ABTB3: variants seen among roughly 807,000 people sequenced by gnomAD.
The protein encoded by ABTB3 is ankyrin repeat- and BTB/POZ domain-containing protein 3.
the ABTB3 span, among the ~76,000 whole-genome samples, chr12:107,609,821 C>T: frequency 2.6e-5 from 4 of 152,332 alleles, no homozygotes; most frequent in Admixed American, 6.5e-5. Flanking sequence ...TTATCTGTGT[C>T]TGTTTCCCCA....
At chr12:107,415,418 C>T in the ABTB3 span, among the ~76,000 whole-genome samples, 1,942 of 152,138 alleles carry the variant, frequency 0.013, 39 homozygotes, top group African/African-American at 0.044. Flanking sequence ...TGGATAAAAA[C>T]ACAAACTGGG....
chr12:107,381,276 A>G, the ABTB3 span, among the ~76,000 whole-genome samples: 1 of 152,260 alleles, frequency 6.6e-6, no homozygotes, highest in Non-Finnish European at 1.5e-5. Flanking sequence ...ACTCAGGGGC[A>G]TGTGCTAAAT....
At chr12:107,519,274 C>T in the ABTB3 span, among the ~76,000 whole-genome samples, 1 of 151,978 alleles carries the variant, frequency 6.6e-6, no homozygotes, top group African/African-American at 2.4e-5. Context: ...TTCAGATCTC[C>T]AGTTTTGCAG....
At chr12:107,404,476 G>A in the ABTB3 span, among the ~76,000 whole-genome samples, 68 of 152,154 alleles carry the variant, frequency 4.5e-4, 1 homozygote, top group Admixed American at 2.9e-3. Flanking sequence ...ATTACCTCTC[G>A]GGACCCCCTC....
chr12:107,364,704 G>A, the ABTB3 span, among the ~76,000 whole-genome samples: 1 of 152,140 alleles, frequency 6.6e-6, no homozygotes, highest in South Asian at 2.1e-4. Context: ...GATGGAAAGG[G>A]CCCAGAAGCA....
chr12:107,616,297 G>A, the ABTB3 span, among the ~76,000 whole-genome samples: 1 of 152,186 alleles, frequency 6.6e-6, no homozygotes, highest in African/African-American at 2.4e-5. Flanking sequence ...CAGGGCCAGC[G>A]ATCACGGAGT....
the ABTB3 span, among the ~76,000 whole-genome samples, chr12:107,345,510 G>A: frequency 6.6e-6 from 1 of 152,132 alleles, no homozygotes; most frequent in African/African-American, 2.4e-5. Context: ...CAGAAGGGGG[G>A]GATTATTGGT....
At chr12:107,369,774 G>A in the ABTB3 span, among the ~76,000 whole-genome samples, 1 of 102,340 alleles carries the variant, frequency 9.8e-6, no homozygotes. Flanking sequence ...GCACCTTATT[G>A]TTCAAGAAAT....
At chr12:107,513,267 G>A in the ABTB3 span, among the ~76,000 whole-genome samples, 5 of 152,078 alleles carry the variant, frequency 3.3e-5, no homozygotes, top group African/African-American at 9.7e-5. Context: ...TTTTCTCTTC[G>A]TAGATAAGTA....
At chr12:107,651,794 A>G in the ABTB3 span, 1 of 1,610,494 alleles carries the variant, frequency 6.2e-7, no homozygotes, top group East Asian at 2.2e-5. Context: ...CAAGGTAATC[A>G]ATCTCATTCT....
the ABTB3 span, among the ~76,000 whole-genome samples, chr12:107,389,117 G>A: frequency 6.6e-6 from 1 of 151,940 alleles, no homozygotes; most frequent in Non-Finnish European, 1.5e-5. Flanking sequence ...GTACTTCAAA[G>A]ATCACAAGCT....
chr12:107,657,651 T>C, the ABTB3 span: 1 of 1,614,206 alleles, frequency 6.2e-7, no homozygotes, highest in Non-Finnish European at 8.5e-7. Context: ...CTCCAGGACT[T>C]ACAGAGGACG....
the ABTB3 span, among the ~76,000 whole-genome samples, chr12:107,337,146 G>A: frequency 6.6e-6 from 1 of 152,252 alleles, no homozygotes; most frequent in Non-Finnish European, 1.5e-5. Flanking sequence ...TTAGAGCTGA[G>A]AGAAGCTTCA....
chr12:107,527,042 A>G, the ABTB3 span, among the ~76,000 whole-genome samples: 1 of 151,780 alleles, frequency 6.6e-6, no homozygotes, highest in Admixed American at 6.6e-5. Context: ...TCTTCCCCTA[A>G]TATTCTCAAA....
the ABTB3 span, among the ~76,000 whole-genome samples, chr12:107,508,438 C>CTTTTTTTTTTTTTTTTTT: frequency 4.0e-4 from 28 of 69,162 alleles, 5 homozygotes; most frequent in East Asian, 2.6e-3. Context: ...AAGATCATTT[C>CTTTTTTTTTTTTTTTTTT]TTTTTTTTTT....
At chr12:107,561,381 C>A in the ABTB3 span, among the ~76,000 whole-genome samples, 1 of 152,140 alleles carries the variant, frequency 6.6e-6, no homozygotes, top group African/African-American at 2.4e-5. Flanking sequence ...CAGCAACATC[C>A]CACAAGGCAC....
the ABTB3 span, chr12:107,640,300 T>C: frequency 6.7e-7 from 1 of 1,487,382 alleles, no homozygotes; most frequent in South Asian, 1.2e-5. Flanking sequence ...TTTTTCCCTT[T>C]CCTATTCCAG....
the ABTB3 span, among the ~76,000 whole-genome samples, chr12:107,351,722 C>T: frequency 6.6e-6 from 1 of 152,156 alleles, no homozygotes; most frequent in East Asian, 1.9e-4. Context: ...TCTTGGACTT[C>T]CCAGCCTCAA....
chr12:107,355,424 T>C, the ABTB3 span, among the ~76,000 whole-genome samples: 2 of 152,244 alleles, frequency 1.3e-5, no homozygotes, highest in Admixed American at 6.5e-5. Flanking sequence ...AGCTGTCTCC[T>C]GTCTCATCAG....
Sources: allele counts gnomAD v4.1 joint callset (sites outside exome capture counted in the v4.1 genomes callset), GRCh38; gene constraint gnomAD v4.1.1; transcripts MANE v1.5; gene names NCBI Gene and HGNC (gene_info 2026-07-23, HGNC 2026-07-21).